Variants in ALDH7A1 observed in about 807,000 individuals in gnomAD.
The protein encoded by ALDH7A1 is aldehyde dehydrogenase 7 family member A1.
A neutral mutation model predicts 79.9 loss-of-function variants in ALDH7A1; 63 were observed. The observed-to-expected ratio is 0.79, with a 90% CI of 0.64 to 0.97. ALDH7A1 has a LOEUF of 0.97. ALDH7A1 is among the 50% of genes least tolerant of loss of function. The pLI is 0.00. For missense variants in ALDH7A1, 627 were observed against 665.2 expected (o/e 0.94, Z 0.63); for synonymous variants, 240 against 231.2 (o/e 1.04, Z -0.34).
At chr5:126,594,152 TATC>T (rs1751657715) in intron 1 of ALDH7A1, 1 of 469,304 alleles carries the variant, frequency 2.1e-6, no homozygotes, top group African/African-American at 2.0e-5. Flanking sequence ...CAGTAATGGG[TATC>T]AGGCGCGGTG....
At position 126,555,783 on chromosome 5, in the gene ALDH7A1, G is replaced by A. The variant is rs1750172629; in HGVS notation, c.1093+148C>T. ...CAGCCAGGGTCGAAACCTAGGAGCAGACACGATACACCAAAGCCTAATAAC... is the reference window on the plus strand; with the variant it reads ...CAGCCAGGGTCGAAACCTAGGAGCAAACACGATACACCAAAGCCTAATAAC... On this transcript the variant is annotated intron_variant, in intron 12 of 17. Coordinates refer to ENST00000409134, the MANE Select transcript of ALDH7A1 (RefSeq NM_001182.5). The A allele has an allele frequency of 4.5e-6, 3 of 665,308 alleles. No individual in the cohort carries two copies. In the South Asian group the frequency reaches 4.6e-5, roughly 10 times the overall value. 41.2% of individuals were successfully genotyped at this position (665,308 alleles called of 1,614,324 possible).
chr5:126,569,860 TAA>T (rs1465889595), intron 8 of ALDH7A1: 1 of 152,234 alleles, frequency 6.6e-6, no homozygotes, highest in African/African-American at 2.4e-5. Flanking sequence ...CAATAGTATT[TAA>T]AAGTGTTGGA....
chr5:126,577,096 A>G lies in ALDH7A1; in HGVS notation c.633T>C (p.Cys211=). 6.2e-7 allele frequency: 1 copy of G among 1,614,192 alleles called. No homozygotes were observed. The highest frequency in any genetic ancestry group is 1.1e-5 in the South Asian group (1 of 91,082). Residue 211 remains cysteine, a synonymous_variant, in exon 6 of 18, where the codon TGT becomes TGC. Coordinates refer to ENST00000409134, the MANE Select transcript of ALDH7A1 (RefSeq NM_001182.5). The stretch of plus-strand genomic sequence containing the variant: ...GGTCTTACCAGAGGCAGACATTTCC[A>G]CAGATCATGGCGATGGCGTTGTTCC... ...YGWNNAIAMI[C]GNVCLWKGAP...
At chr5:126,584,101 AT>A in intron 3 of ALDH7A1, 89 bp from the exon 4 acceptor site, 2 of 1,105,966 alleles carry the variant, frequency 1.8e-6, no homozygotes, top group Non-Finnish European at 2.8e-6. Flanking sequence ...AAAAGAACAA[AT>A]TACAATCATA....
chr5:126,593,163 G>A (rs542323620), intron 2 of ALDH7A1, among the ~76,000 whole-genome samples, 188 bp downstream of exon 2: 4 of 152,264 alleles, frequency 2.6e-5, no homozygotes, highest in African/African-American at 9.6e-5. Context: ...AGAGAGGACA[G>A]TCTCCCCCAG....
intron 9 of ALDH7A1, among the ~76,000 whole-genome samples, chr5:126,566,342 T>C (rs1284505000): frequency 1.3e-5 from 2 of 152,228 alleles, no homozygotes; most frequent in Non-Finnish European, 2.9e-5. Context: ...TTGACGCTAC[T>C]ACAAATTGAA....
chr5:126,582,846 C>T lies in ALDH7A1; in HGVS notation c.517+5G>A, dbSNP rs755992300. The T allele has an allele frequency of 6.2e-7, 1 of 1,612,070 alleles. No individual in the cohort carries two copies. Among genetic ancestry groups the T allele is most frequent in the African/African-American group, 1.3e-5 (1 of 74,966 alleles). Reference sequence around the variant, plus strand: ...AAACTCAGCTTAACTAATTTCATTGCTTACTTTCAGAAGGCAAGATAGGTC... The same window carrying T: ...AAACTCAGCTTAACTAATTTCATTGTTTACTTTCAGAAGGCAAGATAGGTC... On this transcript the variant is annotated splice_donor_5th_base_variant and intron_variant, in intron 5 of 17. Coordinates refer to ENST00000409134, the MANE Select transcript of ALDH7A1 (RefSeq NM_001182.5).
Position 126,559,420 on chromosome 5 carries a change from T to C in ALDH7A1, c.914-86A>G, listed in dbSNP as rs1436926582. Reference sequence around the variant, plus strand: ...GCTGGTATAAAACAATGTTGTTTTTTGTTTTTGGTTTTGGTTTTTTTTTTT... The same window carrying C: ...GCTGGTATAAAACAATGTTGTTTTTCGTTTTTGGTTTTGGTTTTTTTTTTT... On this transcript the variant is annotated intron_variant, in intron 10 of 17. Transcript: ENST00000409134. The C allele has an allele frequency of 8.3e-6, 9 of 1,090,370 alleles. No homozygotes were observed. The South Asian group carries it at 9.7e-5, about 12-fold the overall frequency. 67.5% of individuals were successfully genotyped at this position (1,090,370 alleles called of 1,614,324 possible). A position where few individuals can be genotyped will look rare whatever the true frequency, so the allele number is the denominator to read the frequency against.
At chr5:126,556,137 AT>A in intron 11 of ALDH7A1, 122 bp from the exon 12 acceptor site, 4 of 525,224 alleles carry the variant, frequency 7.6e-6, no homozygotes, top group Non-Finnish European at 1.3e-5. Flanking sequence ...AAATCAAAGC[AT>A]GTTTATTTTT....
At chr5:126,566,185 C>T (rs943911451) in intron 9 of ALDH7A1, among the ~76,000 whole-genome samples, 4 of 152,110 alleles carry the variant, frequency 2.6e-5, no homozygotes, top group Non-Finnish European at 5.9e-5. Flanking sequence ...GAAACCTTAA[C>T]AATATTAAAT....
At chr5:126,580,877 T>C (rs1751150127) in intron 5 of ALDH7A1, among the ~76,000 whole-genome samples, 1 of 151,924 alleles carries the variant, frequency 6.6e-6, no homozygotes. Context: ...CAGGCTGCAG[T>C]GCAATGGCAC....
intron 13 of ALDH7A1, 29 bp from the exon 14 acceptor site, chr5:126,552,166 T>A (rs1374520548): frequency 7.0e-6 from 11 of 1,580,854 alleles, no homozygotes; most frequent in Non-Finnish European, 9.6e-6. Context: ...ATAAAAAGAA[T>A]GAAAGCATTT....
intron 12 of ALDH7A1, chr5:126,554,636 A>G: frequency 1.9e-6 from 1 of 524,500 alleles, no homozygotes. Flanking sequence ...CATAAATGAC[A>G]TGCAAATGAG....
At chr5:126,566,831 T>C (rs1750599406) in intron 9 of ALDH7A1, among the ~76,000 whole-genome samples, 2 of 152,222 alleles carry the variant, frequency 1.3e-5, no homozygotes, top group Non-Finnish European at 2.9e-5. Context: ...ATGACATTTT[T>C]CTCACCACTA....
rs1424457527 is a variant in ALDH7A1, at chr5:126,577,208, G to A, written c.521C>T (p.Ser174Phe). The A allele has an allele frequency of 1.2e-6, 2 of 1,613,978 alleles. No individual in the cohort carries two copies. The highest frequency in any genetic ancestry group is 2.7e-5 in the African/African-American group (2 of 74,882). The change falls in exon 6 of 18, where the codon TCT becomes TTT. Residue 174 changes from serine to phenylalanine, a missense_variant. Ser to Phe is a radical substitution (Grantham distance 155). Coordinates refer to ENST00000409134, the MANE Select transcript of ALDH7A1 (RefSeq NM_001182.5). The part of the protein sequence containing the change: ...IGGPILPSER[S>F]GHALIEQWNP... Reference sequence around the variant, plus strand: ...CCACTGCTCAATCAGTGCATGGCCAGATCCTGAGGACAGAAAAAGGATGGA... The same window carrying A: ...CCACTGCTCAATCAGTGCATGGCCAAATCCTGAGGACAGAAAAAGGATGGA...
chr5:126,573,840 C>T (rs956358283), intron 7 of ALDH7A1, among the ~76,000 whole-genome samples: 1 of 149,370 alleles, frequency 6.7e-6, no homozygotes, highest in African/African-American at 2.5e-5. Context: ...GCCCTCCAGC[C>T]TGGGCGACAG....
intron 10 of ALDH7A1, among the ~76,000 whole-genome samples, chr5:126,559,870 T>C (rs981609629): frequency 2.6e-5 from 4 of 152,102 alleles, no homozygotes; most frequent in African/African-American, 9.7e-5. Flanking sequence ...CTATGATCTT[T>C]ACCCAGATAT....
chr5:126,550,554 A>G lies in ALDH7A1; in HGVS notation c.1318-261T>C, dbSNP rs73785355. On this transcript the variant is annotated intron_variant, in intron 14 of 17. Coordinates refer to ENST00000409134, the MANE Select transcript of ALDH7A1 (RefSeq NM_001182.5). ...TTCAAGCTACTACATATAATAGCTA[A>G]TATCTATTGAGCTCTTACGTGTGTA... Among the ~76,000 whole-genome samples, 4,277 of 147,740 alleles carry G rather than the reference A, an allele frequency of 0.029. 209 individuals carry two copies. The highest frequency in any genetic ancestry group is 0.097 in the African/African-American group (3,996 of 41,180).
chr5:126,578,010 C>A (rs1186809466), intron 5 of ALDH7A1, among the ~76,000 whole-genome samples: 3 of 149,500 alleles, frequency 2.0e-5, no homozygotes, highest in African/African-American at 4.9e-5. Context: ...GCAGGCCGGG[C>A]GTGGTGGCTC....
Sources: gnomAD v4.1 joint callset for allele counts (sites outside exome capture counted in the v4.1 genomes callset) on GRCh38, gnomAD v4.1.1 for gene constraint, MANE v1.5 for transcripts, NCBI Gene and HGNC (gene_info 2026-07-23, HGNC 2026-07-21) for gene names.